The following OSBPL10 variants were observed in gnomAD, a reference collection of about 807,000 sequenced individuals.
The protein encoded by OSBPL10 is oxysterol binding protein like 10, also known as oxysterol-binding protein-related protein 10.
In OSBPL10, 49 loss-of-function variants were observed where a neutral mutation model predicts 81.7. The observed-to-expected ratio is 0.60, with a 90% CI of 0.48 to 0.76. The LOEUF (loss-of-function observed/expected upper bound fraction) is 0.76. Ranked by LOEUF, OSBPL10 falls within the 30% of genes least tolerant of loss-of-function variation. OSBPL10 has a pLI of 0.00. For missense variants in OSBPL10, 923 were observed against 987.8 expected (o/e 0.93, Z 0.88); for synonymous variants, 419 against 383.6 (o/e 1.09, Z -1.08).
At chr3:32,054,109 C>T (rs943807181) in intron 1 of OSBPL10, among the ~76,000 whole-genome samples, 4 of 152,172 alleles carry the variant, frequency 2.6e-5, no homozygotes, top group African/African-American at 9.6e-5. Context: ...AGCTTTCTGC[C>T]TTTAACAAAA....
intron 7 of OSBPL10, among the ~76,000 whole-genome samples, chr3:31,694,231 C>T (rs1383243428): frequency 6.6e-6 from 1 of 151,804 alleles, no homozygotes; most frequent in Non-Finnish European, 1.5e-5. Flanking sequence ...ATTAGCCAGG[C>T]GTGATGGTGA....
chr3:31,819,307 T>TGATC (rs1699925448), intron 4 of OSBPL10, among the ~76,000 whole-genome samples: 1 of 152,256 alleles, frequency 6.6e-6, no homozygotes, highest in Non-Finnish European at 1.5e-5. Flanking sequence ...TGGGAATCTC[T>TGATC]GATCATTTGC....
At chr3:31,982,480 T>C (rs1388263112), upstream of OSBPL10, among the ~76,000 whole-genome samples, 1 of 152,060 alleles carries the variant, frequency 6.6e-6, no homozygotes, top group East Asian at 1.9e-4. Flanking sequence ...AATGGAAAAG[T>C]CAGCTCTCAA....
chr3:31,990,276 A>C, intron 2 of OSBPL10: 2 of 1,614,062 alleles, frequency 1.2e-6, no homozygotes, highest in South Asian at 2.2e-5. Context: ...AACTTTATAA[A>C]TGTAATGATT....
At chr3:31,832,016 T>G (rs946664068) in intron 3 of OSBPL10, among the ~76,000 whole-genome samples, 1 of 152,190 alleles carries the variant, frequency 6.6e-6, no homozygotes, top group Admixed American at 6.5e-5. Context: ...TTATGGTACA[T>G]CTATGTAATG....
At chr3:31,914,203 G>A (rs944286656) in intron 1 of OSBPL10, among the ~76,000 whole-genome samples, 1 of 152,194 alleles carries the variant, frequency 6.6e-6, no homozygotes, top group African/African-American at 2.4e-5. Context: ...TTACAGGCAT[G>A]AGCCACTGCA....
upstream of OSBPL10, among the ~76,000 whole-genome samples, chr3:31,982,428 C>A (rs77934076): frequency 9.2e-3 from 1,405 of 152,218 alleles, 60 homozygotes; most frequent in East Asian, 0.15. Context: ...TCTACAAACC[C>A]ATCAAGCAGA....
At chr3:31,890,165 C>A (rs1178792181) in intron 1 of OSBPL10, among the ~76,000 whole-genome samples, 1 of 150,224 alleles carries the variant, frequency 6.7e-6, no homozygotes, top group African/African-American at 2.5e-5. Flanking sequence ...ATAAAACCTT[C>A]CGTTATTCAT....
chr3:31,759,763 T>A (rs1364526173), intron 4 of OSBPL10, among the ~76,000 whole-genome samples: 1 of 152,266 alleles, frequency 6.6e-6, no homozygotes, highest in East Asian at 1.9e-4. Flanking sequence ...TTGTTTTTTA[T>A]TTACTTTTTT....
intron 2 of OSBPL10, chr3:31,991,530 T>C (rs1480950696): frequency 6.0e-6 from 1 of 166,900 alleles, no homozygotes; most frequent in East Asian, 1.9e-4. Context: ...AGTGTTTTCT[T>C]AATTTTCTTT....
intron 1 of OSBPL10, among the ~76,000 whole-genome samples, chr3:31,910,446 C>A (rs1383259783): frequency 2.0e-5 from 3 of 151,778 alleles, no homozygotes; most frequent in Non-Finnish European, 4.4e-5. Context: ...ACCAGCCTGG[C>A]CAACATGGTG....
At chr3:31,663,437 C>CA (rs1700114044) in intron 11 of OSBPL10, 2 of 987,390 alleles carry the variant, frequency 2.0e-6, no homozygotes, top group East Asian at 2.3e-4. Context: ...ATTCTGTTCT[C>CA]AGAGTGCTTC....
At chr3:31,756,529 C>T (rs1251496609) in intron 4 of OSBPL10, among the ~76,000 whole-genome samples, 1 of 152,150 alleles carries the variant, frequency 6.6e-6, no homozygotes, top group Non-Finnish European at 1.5e-5. Flanking sequence ...ATTATTCTGA[C>T]TCTTTTAATT....
chr3:31,862,177 A>T (rs541370914), intron 3 of OSBPL10, among the ~76,000 whole-genome samples: 34 of 143,246 alleles, frequency 2.4e-4, no homozygotes, highest in South Asian at 4.4e-4. Flanking sequence ...CCACAAAAAA[A>T]TTTTTTTTTA....
intron 6 of OSBPL10, among the ~76,000 whole-genome samples, chr3:31,724,318 C>G (rs1397467850): frequency 6.6e-6 from 1 of 152,074 alleles, no homozygotes; most frequent in East Asian, 1.9e-4. Flanking sequence ...TTGGCAAATC[C>G]AAGGTGGCTA....
At position 31,898,849 on chromosome 3, in the gene OSBPL10, TTC is replaced by T. The variant is rs1364913621; in HGVS notation, c.282-19021_282-19020del. ...ATAATAAAGATGTTTAACTTATGGATTCTTTTTAAGGACAGAACTAAAGTTTG... is the reference window on the plus strand; with the variant it reads ...ATAATAAAGATGTTTAACTTATGGATTTTTTAAGGACAGAACTAAAGTTTG... On this transcript the variant is annotated intron_variant, in intron 1 of 11. Transcript: ENST00000396556. 1.6e-4 allele frequency among the ~76,000 whole-genome samples: 24 copies of T among 151,978 alleles called. 1 individual carries two copies. The highest frequency in any genetic ancestry group is 4.8e-4 in the African/African-American group (20 of 41,522).
chr3:31,722,283 C>T (rs59950501), intron 6 of OSBPL10, among the ~76,000 whole-genome samples: 2,104 of 152,258 alleles, frequency 0.014, 55 homozygotes, highest in African/African-American at 0.048. Context: ...TAAACAAAAA[C>T]CTGGCTTTTG....
intron 2 of OSBPL10, among the ~76,000 whole-genome samples, chr3:32,036,597 G>C (rs1379670628): frequency 6.6e-6 from 1 of 152,118 alleles, no homozygotes; most frequent in East Asian, 1.9e-4. Flanking sequence ...TGATAGATAA[G>C]GAAGACCACT....
intron 1 of OSBPL10, among the ~76,000 whole-genome samples, chr3:31,965,757 TATTAAAAG>T (rs1469051679): frequency 1.6e-5 from 1 of 62,082 alleles, no homozygotes. Flanking sequence ...ATATATATTA[TATTAAAAG>T]ATAATATATA....
Sources: allele counts gnomAD v4.1 joint callset (sites outside exome capture counted in the v4.1 genomes callset), GRCh38; gene constraint gnomAD v4.1.1; transcripts MANE v1.5; gene names NCBI Gene and HGNC (gene_info 2026-07-23, HGNC 2026-07-21).